The following EXPH5 variants were observed in gnomAD, a reference collection of about 807,000 sequenced individuals.
EXPH5 encodes exophilin-5.
A neutral mutation model predicts 41.1 loss-of-function variants in EXPH5; 42 were observed. The ratio of observed to expected loss-of-function variants is 1.02; its 90% CI spans 0.80 to 1.32. EXPH5 has a LOEUF of 1.32. Ranked by LOEUF, EXPH5 falls within the 40% of genes most tolerant of loss-of-function variation. The probability of loss-of-function intolerance (pLI) is 0.00; values close to 1 mark genes in which losing one functional copy is unlikely to be tolerated. For synonymous variants in EXPH5, 798 were observed against 833.5 expected (o/e 0.96, Z 0.73); for missense variants, 2,298 against 2,314.5 (o/e 0.99, Z 0.15).
intron 1 of EXPH5, among the ~76,000 whole-genome samples, chr11:108,572,958 G>T (rs2094065740): frequency 6.6e-6 from 1 of 151,770 alleles, no homozygotes; most frequent in Non-Finnish European, 1.5e-5. Context: ...GCTCGTGTCT[G>T]TAATCCTAGC....
At chr11:108,581,267 G>A (rs2136113834) in intron 1 of EXPH5, among the ~76,000 whole-genome samples, 1 of 152,078 alleles carries the variant, frequency 6.6e-6, no homozygotes, top group Admixed American at 6.5e-5. Flanking sequence ...TTGCACCACT[G>A]CACTCCAGCC....
chr11:108,584,918 C>T (rs1187920064), intron 1 of EXPH5, among the ~76,000 whole-genome samples: 3 of 152,108 alleles, frequency 2.0e-5, no homozygotes, highest in African/African-American at 7.2e-5. Flanking sequence ...TTTCATCAAA[C>T]TGGGTAACTT....
chr11:108,589,753 A>G (rs1328185128), intron 1 of EXPH5, among the ~76,000 whole-genome samples: 2 of 152,228 alleles, frequency 1.3e-5, no homozygotes, highest in Non-Finnish European at 2.9e-5. Context: ...GGATTATTCA[A>G]TCTTGATGGG....
At position 108,541,121 on chromosome 11, in the gene EXPH5, TCTCAAA is replaced by T. The variant is rs567390575; in HGVS notation, c.280+525_280+530del. 3.5e-3 allele frequency among the ~76,000 whole-genome samples: 530 copies of T among 152,218 alleles called. 1 individual carries two copies. The highest frequency in any genetic ancestry group is 5.5e-3 in the Non-Finnish European group (372 of 68,006). On this transcript the variant is annotated intron_variant, in intron 2 of 5. Coordinates refer to ENST00000265843, the MANE Select transcript of EXPH5 (RefSeq NM_015065.3). ...GGTTTCGCCATGTTGCCCAGGCTCGTCTCAAACTCCTGAGCTTAAGTGATCCTCCTG... is the reference window on the plus strand; with the variant it reads ...GGTTTCGCCATGTTGCCCAGGCTCGTCTCCTGAGCTTAAGTGATCCTCCTG...
rs141242849 is a variant in EXPH5, at chr11:108,513,719, C to T, written c.1788G>A (p.Glu596=). Residue 596 remains glutamate, a synonymous_variant, in exon 6 of 6, where the codon GAG becomes GAA. Coordinates refer to ENST00000265843, the MANE Select transcript of EXPH5 (RefSeq NM_015065.3). ...TGSSYHVKSS[E]LVSQQDSSPV... ...GAGAACTGTCCTGTTGACTTACCAA[C>T]TCACTAGATTTGACGTGATAGCTTG... 2.3e-4 allele frequency: 370 copies of T among 1,612,412 alleles called. No homozygotes were observed. The highest frequency in any genetic ancestry group is 2.9e-4 in the Non-Finnish European group (344 of 1,179,478).
chr11:108,603,335 A>G, the EXPH5 span, among the ~76,000 whole-genome samples: 8 of 152,178 alleles, frequency 5.3e-5, no homozygotes, highest in Admixed American at 3.3e-4. Context: ...TGGATTGTTC[A>G]TTTTAAAATG....
Position 108,509,503 on chromosome 11 carries a change from G to A in EXPH5, c.*34C>T, listed in dbSNP as rs767606618. The A allele has an allele frequency of 6.6e-7, 1 of 1,519,564 alleles. No individual in the cohort carries two copies. The highest frequency in any genetic ancestry group is 1.3e-5 in the South Asian group (1 of 74,252). The allele number at this position is 1,519,564 out of a possible 1,614,324, so 94.1% of individuals were successfully genotyped here. A position where few individuals can be genotyped will look rare whatever the true frequency, so the allele number is the denominator to read the frequency against. ...CACCTTAGTTCCATTATAAGCTTTT[G>A]GTGAAAAAAGTAAAGCATTTTATTG... On this transcript the variant is annotated 3_prime_UTR_variant, in exon 6 of 6. Transcript: ENST00000265843.
intron 2 of EXPH5, 60 bp from the exon 3 acceptor site, chr11:108,539,246 G>A: frequency 8.0e-7 from 1 of 1,248,162 alleles, no homozygotes; most frequent in South Asian, 1.4e-5. Context: ...ATACTTGAAA[G>A]AATGAAGCCT....
intron 1 of EXPH5, among the ~76,000 whole-genome samples, chr11:108,547,879 G>A (rs1166698724): frequency 6.6e-6 from 1 of 152,068 alleles, no homozygotes; most frequent in Non-Finnish European, 1.5e-5. Context: ...GGAGGCCAAG[G>A]CAGGTGGATC....
the EXPH5 span, among the ~76,000 whole-genome samples, chr11:108,602,295 T>C: frequency 3.3e-5 from 5 of 152,240 alleles, no homozygotes; most frequent in African/African-American, 7.2e-5. Flanking sequence ...GCACCTGCTG[T>C]GTGCCAGGCA....
At chr11:108,598,124 C>A (rs1292979343), upstream of EXPH5, among the ~76,000 whole-genome samples, 1 of 152,118 alleles carries the variant, frequency 6.6e-6, no homozygotes, top group Non-Finnish European at 1.5e-5. Flanking sequence ...AGTGGTCAGG[C>A]TGGAGACTGA....
At chr11:108,538,323 A>C (rs1024089458) in intron 3 of EXPH5, 13 of 864,648 alleles carry the variant, frequency 1.5e-5, no homozygotes, top group Non-Finnish European at 1.8e-5. Flanking sequence ...AATATTTAGC[A>C]GTCAGCTCAA....
chr11:108,566,205 G>A (rs1483573769), intron 1 of EXPH5, among the ~76,000 whole-genome samples: 1 of 152,196 alleles, frequency 6.6e-6, no homozygotes, highest in South Asian at 2.1e-4. Context: ...AATTCATGAA[G>A]ACAGGCCTTA....
chr11:108,559,235 C>A (rs541546251), intron 1 of EXPH5, among the ~76,000 whole-genome samples: 3 of 152,088 alleles, frequency 2.0e-5, no homozygotes, highest in African/African-American at 7.2e-5. Flanking sequence ...GTTGAATAAC[C>A]GAAAAAATGA....
chr11:108,557,806 G>T (rs899302756), intron 1 of EXPH5, among the ~76,000 whole-genome samples: 1 of 152,196 alleles, frequency 6.6e-6, no homozygotes, highest in Non-Finnish European at 1.5e-5. Context: ...CTGACTTAGG[G>T]TATGGACTCA....
the EXPH5 span, among the ~76,000 whole-genome samples, chr11:108,607,387 T>A: frequency 6.6e-6 from 1 of 152,228 alleles, no homozygotes; most frequent in African/African-American, 2.4e-5. Flanking sequence ...TTTTTACTCA[T>A]TCAATGTAAA....
intron 1 of EXPH5, among the ~76,000 whole-genome samples, chr11:108,592,606 A>G (rs11212726): frequency 0.33 from 50,730 of 152,018 alleles, 8,805 homozygotes; most frequent in Middle Eastern, 0.44. Flanking sequence ...CACTTATCCC[A>G]CACTTCCCCA....
chr11:108,601,450 C>T, the EXPH5 span, among the ~76,000 whole-genome samples: 2 of 152,046 alleles, frequency 1.3e-5, no homozygotes, highest in Non-Finnish European at 2.9e-5. Context: ...AATTTACAAC[C>T]ATACTAGGTA....
chr11:108,597,283 C>T (rs145630232), upstream of EXPH5, among the ~76,000 whole-genome samples: 151 of 152,238 alleles, frequency 9.9e-4, 1 homozygote, highest in Non-Finnish European at 1.4e-3. Context: ...CTGCAATCTC[C>T]GCCTCCAGGG....
Sources: gnomAD v4.1 joint callset for allele counts (sites outside exome capture counted in the v4.1 genomes callset) on GRCh38, gnomAD v4.1.1 for gene constraint, MANE v1.5 for transcripts, NCBI Gene and HGNC (gene_info 2026-07-23, HGNC 2026-07-21) for gene names.